SMIM36: variants seen among roughly 807,000 people sequenced by gnomAD.
The protein encoded by SMIM36 is small integral membrane protein 36.
intron 4 of SMIM36, among the ~76,000 whole-genome samples, chr17:55,465,477 T>C (rs1275843730): frequency 6.6e-6 from 1 of 152,134 alleles, no homozygotes; most frequent in Non-Finnish European, 1.5e-5. Flanking sequence ...GTGGTGTGTA[T>C]GGGATATTAT....
intron 1 of SMIM36, among the ~76,000 whole-genome samples, chr17:55,490,438 C>T (rs188684256): frequency 3.9e-5 from 6 of 152,206 alleles, no homozygotes; most frequent in Admixed American, 2.0e-4. Context: ...GTGAGCCATA[C>T]GGTAAGAATG....
chr17:55,524,074 C>A, the SMIM36 span, among the ~76,000 whole-genome samples: 1 of 152,086 alleles, frequency 6.6e-6, no homozygotes, highest in Non-Finnish European at 1.5e-5. Context: ...CTCCCTCCTC[C>A]CACTCTCCAC....
At position 55,450,894 on chromosome 17, in the gene SMIM36, CT is replaced by C. The variant is rs945991045; in HGVS notation, c.*532-597del. ...TCTGCTTAAAGATCCATAGTGGCTT[CT>C]TTTTTTTTTGAGACGGAGTCTCGCT... is the stretch of plus-strand genomic sequence containing the variant. On this transcript the variant is annotated intron_variant, in intron 4 of 4. Transcript: ENST00000636752. Among the ~76,000 whole-genome samples the C allele has an allele frequency of 1.7e-4, 25 of 149,632 alleles. No homozygotes were observed. In the Middle Eastern group the frequency reaches 0.017, roughly 102 times the overall value.
chr17:55,489,850 G>GT (rs1485545578), intron 1 of SMIM36, among the ~76,000 whole-genome samples: 2 of 54,032 alleles, frequency 3.7e-5, no homozygotes, highest in East Asian at 2.4e-4. Flanking sequence ...TTATTGCTCG[G>GT]TTTTTTTTTG....
the SMIM36 span, among the ~76,000 whole-genome samples, chr17:55,523,968 T>A: frequency 2.6e-5 from 4 of 152,180 alleles, no homozygotes; most frequent in East Asian, 1.9e-4. Flanking sequence ...GCAGGTTTGT[T>A]ACATAGGTGA....
chr17:55,460,193 G>A (rs572561036), intron 4 of SMIM36, among the ~76,000 whole-genome samples: 1 of 152,116 alleles, frequency 6.6e-6, no homozygotes, highest in African/African-American at 2.4e-5. Flanking sequence ...ACTTTGGGAG[G>A]CCGAGGCAGG....
At chr17:55,522,480 T>G in the SMIM36 span, among the ~76,000 whole-genome samples, 1 of 152,150 alleles carries the variant, frequency 6.6e-6, no homozygotes, top group Non-Finnish European at 1.5e-5. Flanking sequence ...AGAAGGTGAA[T>G]GGGGAACAAA....
At chr17:55,497,463 T>G (rs1305271713) in intron 1 of SMIM36, among the ~76,000 whole-genome samples, 2 of 151,974 alleles carry the variant, frequency 1.3e-5, no homozygotes, top group Non-Finnish European at 2.9e-5. Context: ...ATGGGGTTTC[T>G]CCATGTTGGT....
rs1567862702 is a variant in SMIM36 at position 55,460,440 on chromosome 17, C to CA, written c.*531+6704dup. On this transcript the variant is annotated intron_variant, in intron 4 of 4. Coordinates refer to ENST00000636752, the Ensembl canonical transcript of SMIM36. Reference sequence around the variant, plus strand: ...TGAGACTCTGTCTGGAAACAAAAAACAAAAAACAAAACAAAAAAAAAGAAC... The same window carrying CA: ...TGAGACTCTGTCTGGAAACAAAAAACAAAAAAACAAAACAAAAAAAAAGAAC... Among the ~76,000 whole-genome samples the CA allele has an allele frequency of 2.4e-4, 33 of 137,464 alleles. 3 individuals carry two copies. Among genetic ancestry groups the CA allele is most frequent in the African/African-American group, 9.1e-4 (27 of 29,766 alleles). 90.2% of individuals were successfully genotyped at this position (137,464 alleles called of 152,430 possible).
At chr17:55,521,560 G>A in the SMIM36 span, among the ~76,000 whole-genome samples, 2 of 152,180 alleles carry the variant, frequency 1.3e-5, no homozygotes, top group Non-Finnish European at 2.9e-5. Context: ...GAATAAAGAT[G>A]TCTACTTTAT....
chr17:55,484,498 C>A (rs546538932), intron 1 of SMIM36, among the ~76,000 whole-genome samples: 1 of 152,224 alleles, frequency 6.6e-6, no homozygotes, highest in Non-Finnish European at 1.5e-5. Context: ...AGAATTCACT[C>A]ATCAATTTGA....
chr17:55,520,719 T>G, the SMIM36 span, among the ~76,000 whole-genome samples: 2 of 152,314 alleles, frequency 1.3e-5, no homozygotes, highest in East Asian at 1.9e-4. Context: ...TTCTGGAATT[T>G]TTCACTTAAT....
chr17:55,495,099 C>A (rs1218895073), intron 1 of SMIM36, among the ~76,000 whole-genome samples: 1 of 152,142 alleles, frequency 6.6e-6, no homozygotes, highest in Non-Finnish European at 1.5e-5. Context: ...AGCATCTGCA[C>A]AAAGTAGGTG....
the SMIM36 span, among the ~76,000 whole-genome samples, chr17:55,525,299 CA>C: frequency 6.6e-6 from 1 of 152,164 alleles, no homozygotes; most frequent in Non-Finnish European, 1.5e-5. Context: ...CTCTCCTTCC[CA>C]TTACCTTGCC....
chr17:55,478,718 T>C (rs1909468087), intron 3 of SMIM36, 44 bp downstream of exon 3: 1 of 152,134 alleles, frequency 6.6e-6, no homozygotes, highest in Non-Finnish European at 1.5e-5. Context: ...CCTGTTCTGG[T>C]TGAAATGGGG....
chr17:55,510,413 T>C (rs1240537276), intron 1 of SMIM36, among the ~76,000 whole-genome samples: 1 of 152,054 alleles, frequency 6.6e-6, no homozygotes, highest in Non-Finnish European at 1.5e-5. Flanking sequence ...AATACCAGCC[T>C]GGGCAACATA....
chr17:55,511,134 G>A (rs112790764), exon 1 of SMIM36: 147 of 398,428 alleles, frequency 3.7e-4, no homozygotes, highest in Non-Finnish European at 5.8e-4. Flanking sequence ...GGGGCCCAGC[G>A]ACACTTGGGT....
chr17:55,501,227 A>ATATT lies in SMIM36; in HGVS notation c.*174+9651_*174+9652insAATA, dbSNP rs1567870985. 1.6e-3 allele frequency among the ~76,000 whole-genome samples: 18 copies of ATATT among 11,302 alleles called. 8 individuals are homozygous for ATATT. The highest frequency in any genetic ancestry group is 0.1 in the Middle Eastern group (1 of 10). 7.4% of individuals were successfully genotyped at this position (11,302 alleles called of 152,430 possible). ...TTATAATATATAATATATATTATAT[A>ATATT]TTATAATATATAATATAGTATTATA... On this transcript the variant is annotated intron_variant, in intron 1 of 4. Coordinates refer to ENST00000636752, the Ensembl canonical transcript of SMIM36.
intron 3 of SMIM36, among the ~76,000 whole-genome samples, chr17:55,476,565 C>A (rs562881270): frequency 1.0e-5 from 1 of 96,640 alleles, no homozygotes; most frequent in South Asian, 2.9e-4. Flanking sequence ...AAGATGGTCA[C>A]TATTTTTTTT....
Sources: gnomAD v4.1 joint callset for allele counts (sites outside exome capture counted in the v4.1 genomes callset) on GRCh38, gnomAD v4.1.1 for gene constraint, MANE v1.5 for transcripts, NCBI Gene and HGNC (gene_info 2026-07-23, HGNC 2026-07-21) for gene names.